ZBTB20: variants seen among roughly 807,000 people sequenced by gnomAD.
The protein encoded by ZBTB20 is zinc finger and BTB domain containing 20.
Under a neutral mutation model 56.9 loss-of-function variants are expected in ZBTB20, and 9 were observed. The observed-to-expected ratio is 0.16, with a 90% CI of 0.10 to 0.28. ZBTB20 has a LOEUF of 0.28. ZBTB20 is among the 10% of genes least tolerant of loss of function. The pLI is 1.00. For synonymous variants in ZBTB20, 417 were observed against 420.7 expected (o/e 0.99, Z 0.11); for missense variants, 655 against 1,003.0 (o/e 0.65, Z 4.69).
chr3:114,506,321 A>C (rs1227902181), intron 6 of ZBTB20, among the ~76,000 whole-genome samples: 1 of 152,148 alleles, frequency 6.6e-6, no homozygotes, highest in African/African-American at 2.4e-5. Context: ...AAAGTTCAGC[A>C]ATTAGGTCTG....
At chr3:114,708,782 T>C (rs973699556) in intron 5 of ZBTB20, among the ~76,000 whole-genome samples, 5 of 152,308 alleles carry the variant, frequency 3.3e-5, no homozygotes, top group East Asian at 3.9e-4. Context: ...TAAGAAGTGA[T>C]AGTTGTGTAC....
intron 5 of ZBTB20, among the ~76,000 whole-genome samples, chr3:114,790,944 C>T (rs2070920125): frequency 6.6e-6 from 1 of 152,006 alleles, no homozygotes; most frequent in African/African-American, 2.4e-5. Context: ...TATGATGACT[C>T]AAAAACAAAT....
In ZBTB20 at chr3:114,595,958, T is replaced by C. The variant is rs934282209; in HGVS notation, c.-294-95567A>G. ...AGTTGACATAATAATGCTTCAATTA[T>C]TCAATTTATAAATGGGACATTTAAC... On this transcript the variant is annotated intron_variant, in intron 6 of 11. Coordinates refer to ENST00000675478, the MANE Select transcript of ZBTB20 (RefSeq NM_001348800.3). Among the ~76,000 whole-genome samples the C allele has an allele frequency of 8.4e-4, 128 of 152,346 alleles. 1 individual carries two copies. The highest frequency in any genetic ancestry group is 2.9e-3 in the African/African-American group (120 of 41,576).
intron 2 of ZBTB20, among the ~76,000 whole-genome samples, chr3:114,981,235 G>A (rs1434346256): frequency 6.6e-6 from 1 of 151,962 alleles, no homozygotes; most frequent in Admixed American, 6.6e-5. Context: ...CACTCATACA[G>A]TAACCCCCAG....
At chr3:114,482,160 C>G (rs933629763) in intron 7 of ZBTB20, among the ~76,000 whole-genome samples, 7 of 152,074 alleles carry the variant, frequency 4.6e-5, no homozygotes, top group South Asian at 2.1e-4. Context: ...GGGCCCAGAG[C>G]AAGGAAGACA....
intron 5 of ZBTB20, among the ~76,000 whole-genome samples, chr3:114,787,649 T>C (rs1008521317): frequency 6.6e-6 from 1 of 151,904 alleles, no homozygotes; most frequent in Non-Finnish European, 1.5e-5. Context: ...GTGGTGCTTG[T>C]TACATAAATC....
intron 4 of ZBTB20, among the ~76,000 whole-genome samples, chr3:114,856,509 G>A (rs1398309657): frequency 2.0e-5 from 3 of 151,928 alleles, no homozygotes; most frequent in Non-Finnish European, 2.9e-5. Flanking sequence ...CCACCATGTG[G>A]AATGTTATCT....
intron 2 of ZBTB20, among the ~76,000 whole-genome samples, chr3:114,988,356 G>GT (rs1560466482): frequency 6.6e-6 from 1 of 150,890 alleles, no homozygotes; most frequent in East Asian, 1.9e-4. Flanking sequence ...GCGGTGTTTG[G>GT]TTTTTTGTCC....
intron 7 of ZBTB20, among the ~76,000 whole-genome samples, chr3:114,445,187 C>G (rs1411283596): frequency 6.6e-6 from 1 of 152,176 alleles, no homozygotes; most frequent in African/African-American, 2.4e-5. Flanking sequence ...TCTACTATCA[C>G]ACTGGACAAC....
chr3:114,746,065 G>A (rs940689968), intron 5 of ZBTB20, among the ~76,000 whole-genome samples: 1 of 152,098 alleles, frequency 6.6e-6, no homozygotes, highest in East Asian at 1.9e-4. Flanking sequence ...AACCATGTGC[G>A]GTTCATCCTG....
chr3:114,833,564 C>T (rs911649701), intron 4 of ZBTB20, among the ~76,000 whole-genome samples: 3 of 151,810 alleles, frequency 2.0e-5, no homozygotes, highest in African/African-American at 4.8e-5. Flanking sequence ...TGGTTTCACT[C>T]TATCACCTAG....
At chr3:114,548,717 C>A in intron 6 of ZBTB20, among the ~76,000 whole-genome samples, 1 of 151,938 alleles carries the variant, frequency 6.6e-6, no homozygotes, top group East Asian at 1.9e-4. Flanking sequence ...CGGGGTTTCG[C>A]CATATTGGCC....
rs949699200 is a variant in ZBTB20 at position 114,409,113 on chromosome 3, A to T, written c.-254-20008T>A. 4.0e-5 allele frequency among the ~76,000 whole-genome samples: 6 copies of T among 148,832 alleles called. No individual in the cohort carries two copies. In the South Asian group the frequency reaches 8.5e-4, roughly 21 times the overall value. On this transcript the variant is annotated intron_variant, in intron 7 of 11. Transcript: ENST00000675478. ...TTTATTCAAATCTTCTAAGAGGGGG[A>T]AAAAGGGAAGACTTTTTTTTTTTTT...
intron 1 of ZBTB20, among the ~76,000 whole-genome samples, chr3:115,091,792 C>T (rs1019113409): frequency 4.6e-5 from 7 of 151,516 alleles, no homozygotes. Context: ...CAAATATTTG[C>T]ATAGCTCTGT....
intron 1 of ZBTB20, among the ~76,000 whole-genome samples, chr3:115,103,774 A>C (rs573422032): frequency 1.1e-4 from 16 of 152,238 alleles, no homozygotes; most frequent in Non-Finnish European, 2.4e-4. Flanking sequence ...AAATCTGGAT[A>C]ATTCTGGGTT....
chr3:114,527,913 G>C (rs568569738), intron 6 of ZBTB20, among the ~76,000 whole-genome samples: 21 of 151,742 alleles, frequency 1.4e-4, no homozygotes, highest in Non-Finnish European at 2.9e-4. Flanking sequence ...GAGACTTCTA[G>C]ATGTGGGTCT....
At chr3:115,082,936 C>T (rs2082850860) in intron 1 of ZBTB20, among the ~76,000 whole-genome samples, 1 of 151,982 alleles carries the variant, frequency 6.6e-6, no homozygotes, top group Non-Finnish European at 1.5e-5. Flanking sequence ...GGTAATAGCA[C>T]ACTACATTTC....
chr3:114,770,815 C>A (rs77130763), intron 5 of ZBTB20, among the ~76,000 whole-genome samples: 9,043 of 152,042 alleles, frequency 0.059, 292 homozygotes, highest in Middle Eastern at 0.13. Flanking sequence ...AGGCTTTTTT[C>A]GGATTTTGGA....
At chr3:114,409,618 C>G (rs1430449837) in intron 7 of ZBTB20, among the ~76,000 whole-genome samples, 1 of 151,972 alleles carries the variant, frequency 6.6e-6, no homozygotes, top group Non-Finnish European at 1.5e-5. Flanking sequence ...CTTGAACCAG[C>G]TATAATTCTG....
Sources: gnomAD v4.1 joint callset for allele counts (sites outside exome capture counted in the v4.1 genomes callset) on GRCh38, gnomAD v4.1.1 for gene constraint, MANE v1.5 for transcripts, NCBI Gene and HGNC (gene_info 2026-07-23, HGNC 2026-07-21) for gene names.